ALKAL1: variants seen among roughly 807,000 people sequenced by gnomAD.
The protein encoded by ALKAL1 is AUG-beta.
A neutral mutation model predicts 13.5 loss-of-function variants in ALKAL1; 23 were observed. That is an observed-to-expected ratio of 1.70 (90% confidence interval 1.23 to 2.41). The LOEUF is 2.41. ALKAL1 is among the 30% of genes most tolerant of loss of function. The pLI is 0.00. For synonymous variants in ALKAL1, 85 were observed against 77.7 expected, an observed-to-expected ratio of 1.09 and a Z score of -0.49; for missense variants, 181 against 178.4, an observed-to-expected ratio of 1.01 and a Z score of -0.08.
intron 1 of ALKAL1, among the ~76,000 whole-genome samples, chr8:52,560,232 A>T (rs950813144): frequency 6.6e-6 from 1 of 152,188 alleles, no homozygotes; most frequent in African/African-American, 2.4e-5. Flanking sequence ...TAAAATTTTA[A>T]TTTTATTAAT....
At chr8:52,562,633 A>G (rs1230826949) in intron 1 of ALKAL1, among the ~76,000 whole-genome samples, 1 of 152,096 alleles carries the variant, frequency 6.6e-6, no homozygotes, top group African/African-American at 2.4e-5. Context: ...TCACATCTGC[A>G]TTTAGGGAAG....
At chr8:52,544,798 GCTTGACCA>G (rs1847351081) in intron 1 of ALKAL1, among the ~76,000 whole-genome samples, 1 of 152,116 alleles carries the variant, frequency 6.6e-6, no homozygotes, top group Admixed American at 6.5e-5. Context: ...GATATGATTT[GCTTGACCA>G]CAGTAACCAC....
At chr8:52,544,564 G>C (rs1007402999) in intron 1 of ALKAL1, among the ~76,000 whole-genome samples, 23 of 152,126 alleles carry the variant, frequency 1.5e-4, no homozygotes, top group Middle Eastern at 3.2e-3. Context: ...CAAAGGAATG[G>C]TACGGTTAAG....
chr8:52,563,089 G>A (rs1008624671), intron 1 of ALKAL1, among the ~76,000 whole-genome samples: 49 of 152,302 alleles, frequency 3.2e-4, no homozygotes, highest in African/African-American at 1.1e-3. Flanking sequence ...CTTTCTGTCT[G>A]ACTATATTGT....
chr8:52,547,230 G>A (rs965113344), intron 1 of ALKAL1, among the ~76,000 whole-genome samples: 2 of 152,186 alleles, frequency 1.3e-5, no homozygotes, highest in African/African-American at 4.8e-5. Flanking sequence ...GGGCATGGTG[G>A]CTCACGCCCA....
chr8:52,544,156 A>G (rs1457854305), intron 1 of ALKAL1, among the ~76,000 whole-genome samples: 1 of 152,180 alleles, frequency 6.6e-6, no homozygotes, highest in Non-Finnish European at 1.5e-5. Context: ...TTCAAGGAAT[A>G]GGAAGCCAAG....
chr8:52,554,172 C>A (rs908352096), intron 1 of ALKAL1, among the ~76,000 whole-genome samples: 1 of 152,116 alleles, frequency 6.6e-6, no homozygotes, highest in Admixed American at 6.5e-5. Flanking sequence ...TGCAGTGAAC[C>A]GAGATCGCAC....
chr8:52,564,979 C>A, intron 1 of ALKAL1, 88 bp downstream of exon 1: 1 of 1,115,662 alleles, frequency 9.0e-7, no homozygotes, highest in Non-Finnish European at 1.2e-6. Flanking sequence ...CTCAGGCTTC[C>A]CAAAGCGAGT....
chr8:52,556,188 A>G (rs1416613352), intron 1 of ALKAL1, among the ~76,000 whole-genome samples: 3 of 152,214 alleles, frequency 2.0e-5, no homozygotes, highest in Non-Finnish European at 4.4e-5. Context: ...AGTATATTTC[A>G]AAATACCTTA....
Position 52,565,368 on chromosome 8 carries a change from G to C in ALKAL1, c.-112C>G, listed in dbSNP as rs1240918688. The C allele has an allele frequency of 2.3e-6, 2 of 882,778 alleles. No homozygotes were observed. The highest frequency in any genetic ancestry group is 1.7e-5 in the African/African-American group (1 of 57,284). The allele number at this position is 882,778 out of a possible 1,614,324, so 54.7% of individuals were successfully genotyped here. A position where few individuals can be genotyped will look rare whatever the true frequency, so the allele number is the denominator to read the frequency against. On this transcript the variant is annotated 5_prime_UTR_variant, in exon 1 of 5. Coordinates refer to ENST00000358543, the MANE Select transcript of ALKAL1 (RefSeq NM_207413.4). The stretch of plus-strand genomic sequence containing the variant: ...GGGACCACAGCGCGGCTACGCGGCC[G>C]GCCGCAGTCTTCACCGCGCGCCTGC...
chr8:52,547,458 C>A (rs1430364620), intron 1 of ALKAL1, among the ~76,000 whole-genome samples: 3 of 152,130 alleles, frequency 2.0e-5, no homozygotes, highest in African/African-American at 7.2e-5. Context: ...CAAGATCGCA[C>A]CACTGCACTC....
At chr8:52,538,145 T>C (rs1188020984) in intron 4 of ALKAL1, among the ~76,000 whole-genome samples, 1 of 150,870 alleles carries the variant, frequency 6.6e-6, no homozygotes, top group Non-Finnish European at 1.5e-5. Context: ...TTAGTGAATA[T>C]GAACTACAGC....
chr8:52,539,106 T>C (rs1442159553), intron 3 of ALKAL1, among the ~76,000 whole-genome samples: 1 of 152,082 alleles, frequency 6.6e-6, no homozygotes, highest in Non-Finnish European at 1.5e-5. Context: ...GTTTAAAAGT[T>C]GTTTTTGAAA....
At chr8:52,546,714 G>A (rs2150345207) in intron 1 of ALKAL1, among the ~76,000 whole-genome samples, 1 of 152,356 alleles carries the variant, frequency 6.6e-6, no homozygotes, top group East Asian at 1.9e-4. Flanking sequence ...TCCAGCCAAT[G>A]GATGCAGGAC....
At chr8:52,534,918 C>A (rs975457650) in intron 4 of ALKAL1, among the ~76,000 whole-genome samples, 12 of 152,042 alleles carry the variant, frequency 7.9e-5, no homozygotes, top group African/African-American at 2.4e-4. Context: ...GATTGTAAAC[C>A]TTATTAAATA....
At chr8:52,542,990 T>C (rs1206133503) in intron 1 of ALKAL1, among the ~76,000 whole-genome samples, 1 of 152,216 alleles carries the variant, frequency 6.6e-6, no homozygotes, top group Non-Finnish European at 1.5e-5. Flanking sequence ...CTCCCCATAA[T>C]CTTCTTTCTC....
At chr8:52,561,928 T>C (rs527737450) in intron 1 of ALKAL1, among the ~76,000 whole-genome samples, 6 of 152,300 alleles carry the variant, frequency 3.9e-5, no homozygotes, top group African/African-American at 1.4e-4. Flanking sequence ...AACAGTACCC[T>C]TACACTGCTG....
chr8:52,535,173 A>T (rs937223909), intron 4 of ALKAL1, among the ~76,000 whole-genome samples: 1 of 145,896 alleles, frequency 6.9e-6, no homozygotes, highest in Admixed American at 6.9e-5. Flanking sequence ...TATATTAAAA[A>T]CAAAGAAAGA....
At chr8:52,555,039 C>T (rs1010138700) in intron 1 of ALKAL1, among the ~76,000 whole-genome samples, 4 of 151,848 alleles carry the variant, frequency 2.6e-5, no homozygotes, top group Non-Finnish European at 2.9e-5. Context: ...GGTGTGGTGG[C>T]GGGCGCCTGT....
Sources: allele counts gnomAD v4.1 joint callset (sites outside exome capture counted in the v4.1 genomes callset), GRCh38; gene constraint gnomAD v4.1.1; transcripts MANE v1.5; gene names NCBI Gene and HGNC (gene_info 2026-07-23, HGNC 2026-07-21).